SGCD: variants seen among roughly 807,000 people sequenced by gnomAD.
SGCD encodes the protein delta-sarcoglycan.
Under a neutral mutation model 36.6 loss-of-function variants are expected in SGCD, and 18 were observed. The ratio of observed to expected loss-of-function variants is 0.49; its 90% CI spans 0.34 to 0.73. The LOEUF is 0.73. SGCD is among the 30% of genes least tolerant of loss of function. The probability of loss-of-function intolerance (pLI) is 0.01; values close to 1 mark genes in which losing one functional copy is unlikely to be tolerated. For missense variants in SGCD, 387 were observed against 346.7 expected, an observed-to-expected ratio of 1.12 and a Z score of -0.92; for synonymous variants, 133 against 130.6, an observed-to-expected ratio of 1.02 and a Z score of -0.12.
chr5:156,490,397 A>G (rs1324641512), intron 3 of SGCD, among the ~76,000 whole-genome samples: 2 of 152,036 alleles, frequency 1.3e-5, no homozygotes, highest in African/African-American at 4.8e-5. Flanking sequence ...ACAAGGACAC[A>G]AGAAAAATAG....
the SGCD span, among the ~76,000 whole-genome samples, chr5:155,814,118 G>T: frequency 6.6e-6 from 1 of 152,160 alleles, no homozygotes. Context: ...CTAGTCTTAA[G>T]GCCTCAGGTC....
chr5:155,855,100 C>G, the SGCD span, among the ~76,000 whole-genome samples: 2 of 152,154 alleles, frequency 1.3e-5, no homozygotes, highest in African/African-American at 4.8e-5. Flanking sequence ...GTAGTGCACT[C>G]TGGACCGACC....
chr5:156,110,101 G>C (rs903347483), intron 1 of SGCD, among the ~76,000 whole-genome samples: 4 of 152,178 alleles, frequency 2.6e-5, no homozygotes, highest in African/African-American at 4.8e-5. Flanking sequence ...CTTTTAAGGT[G>C]TGAGAAGCAG....
At chr5:156,325,798 G>C (rs1157539987), upstream of SGCD, among the ~76,000 whole-genome samples, 1 of 152,092 alleles carries the variant, frequency 6.6e-6, no homozygotes, top group African/African-American at 2.4e-5. Context: ...CCAAAGATCT[G>C]ATTCTGTAAT....
chr5:156,095,150 T>C lies in SGCD; in HGVS notation c.-281-22728T>C, dbSNP rs556170036. ...CCTCCTGATACTAGACCCCTAGTTG[T>C]TGGATGGATCAGTCTGACTTTGCAC... On this transcript the variant is annotated intron_variant, in intron 1 of 9. Coordinates refer to the SGCD transcript ENST00000517913. 3.3e-5 allele frequency among the ~76,000 whole-genome samples: 5 copies of C among 152,330 alleles called. No homozygotes were observed. The South Asian group carries it at 1.0e-3, about 32-fold the overall frequency.
intron 3 of SGCD, among the ~76,000 whole-genome samples, chr5:156,244,592 T>C (rs1436115311): frequency 6.6e-6 from 1 of 152,208 alleles, no homozygotes; most frequent in African/African-American, 2.4e-5. Flanking sequence ...TTTAAAGTTA[T>C]TTGTTCCCTT....
At chr5:156,550,533 A>C (rs1029326777) in intron 4 of SGCD, among the ~76,000 whole-genome samples, 1 of 152,250 alleles carries the variant, frequency 6.6e-6, no homozygotes, top group Admixed American at 6.5e-5. Flanking sequence ...ATTGATTTAC[A>C]CTCAGATCCC....
intron 1 of SGCD, among the ~76,000 whole-genome samples, chr5:155,939,644 CAAA>C (rs70981990): frequency 1.6e-5 from 2 of 127,008 alleles, no homozygotes; most frequent in Non-Finnish European, 1.7e-5. Context: ...GACTCTCTCT[CAAA>C]AAAAAAAAAA....
intron 3 of SGCD, among the ~76,000 whole-genome samples, chr5:156,164,475 G>A (rs943715142): frequency 1.3e-5 from 2 of 150,906 alleles, no homozygotes; most frequent in Non-Finnish European, 2.9e-5. Context: ...AGTGAACCTT[G>A]GTGTCAGCAT....
At chr5:156,371,781 G>A (rs1386127920) in intron 3 of SGCD, among the ~76,000 whole-genome samples, 1 of 152,194 alleles carries the variant, frequency 6.6e-6, no homozygotes, top group Admixed American at 6.5e-5. Context: ...GATATATTCA[G>A]TGCCCCATGA....
At chr5:156,187,100 A>C (rs1763779592) in intron 3 of SGCD, among the ~76,000 whole-genome samples, 1 of 152,172 alleles carries the variant, frequency 6.6e-6, no homozygotes, top group African/African-American at 2.4e-5. Context: ...GTATTTCAAA[A>C]TATTTAATCT....
chr5:155,728,974 A>G, the SGCD span, among the ~76,000 whole-genome samples: 2 of 152,194 alleles, frequency 1.3e-5, no homozygotes, highest in Non-Finnish European at 2.9e-5. Context: ...CCTGCGGGAT[A>G]GCGTTTATAC....
chr5:156,711,348 A>G (rs1754985807), intron 7 of SGCD, among the ~76,000 whole-genome samples: 1 of 152,206 alleles, frequency 6.6e-6, no homozygotes, highest in Non-Finnish European at 1.5e-5. Context: ...GCCACCATTG[A>G]TGTAGCTTCG....
At chr5:156,247,014 C>T (rs751062029) in intron 3 of SGCD, among the ~76,000 whole-genome samples, 2 of 152,294 alleles carry the variant, frequency 1.3e-5, no homozygotes, top group Non-Finnish European at 2.9e-5. Context: ...AGTCCTGGGG[C>T]ACCAATGGGC....
At chr5:156,207,643 C>T (rs1764324411) in intron 3 of SGCD, among the ~76,000 whole-genome samples, 1 of 151,964 alleles carries the variant, frequency 6.6e-6, no homozygotes, top group Admixed American at 6.6e-5. Context: ...TACTTTTGCA[C>T]CAGCCTAATA....
chr5:156,539,883 C>A (rs1758281813), intron 4 of SGCD, among the ~76,000 whole-genome samples: 1 of 152,050 alleles, frequency 6.6e-6, no homozygotes, highest in African/African-American at 2.4e-5. Context: ...TCTTTGGAAC[C>A]AGATAGGCAT....
intron 1 of SGCD, among the ~76,000 whole-genome samples, chr5:155,956,182 C>T (rs1415517591): frequency 2.0e-5 from 3 of 150,236 alleles, no homozygotes; most frequent in South Asian, 2.1e-4. Flanking sequence ...CTGGGGTGGG[C>T]GTGCCTCTGG....
chr5:156,332,584 C>T (rs938853977), intron 2 of SGCD, among the ~76,000 whole-genome samples: 24 of 152,300 alleles, frequency 1.6e-4, no homozygotes, highest in African/African-American at 5.1e-4. Context: ...ATATTCTAGA[C>T]ACATAGGAGA....
At chr5:156,576,866 TAC>T in intron 4 of SGCD, among the ~76,000 whole-genome samples, 1 of 152,340 alleles carries the variant, frequency 6.6e-6, no homozygotes, top group East Asian at 1.9e-4. Flanking sequence ...TTCTGTAGGT[TAC>T]CTGTTCACTC....
Sources: allele counts gnomAD v4.1 joint callset (sites outside exome capture counted in the v4.1 genomes callset), GRCh38; gene constraint gnomAD v4.1.1; transcripts MANE v1.5; gene names NCBI Gene and HGNC (gene_info 2026-07-23, HGNC 2026-07-21).